Variants in KIAA0825 observed in about 807,000 individuals in gnomAD.
The protein encoded by KIAA0825 is uncharacterized protein KIAA0825.
In KIAA0825, 119 loss-of-function variants were observed where a neutral mutation model predicts 147.6. The ratio of observed to expected loss-of-function variants is 0.81; its 90% CI spans 0.69 to 0.94. The LOEUF (loss-of-function observed/expected upper bound fraction) is 0.94, where lower values mean the gene tolerates loss of function less well. Ranked by LOEUF, KIAA0825 falls within the 40% of genes least tolerant of loss-of-function variation. KIAA0825 has a pLI of 0.00. For missense variants in KIAA0825, 1,381 were observed against 1,472.7 expected, an observed-to-expected ratio of 0.94 and a Z score of 1.02; for synonymous variants, 470 against 518.1, an observed-to-expected ratio of 0.91 and a Z score of 1.26.
At chr5:94,439,287 C>A (rs1166297384) in intron 14 of KIAA0825, among the ~76,000 whole-genome samples, 1 of 151,956 alleles carries the variant, frequency 6.6e-6, no homozygotes, top group Non-Finnish European at 1.5e-5. Context: ...GCTTGTGGTA[C>A]GTAATAGGAG....
chr5:94,294,821 T>C (rs555743068), intron 20 of KIAA0825, among the ~76,000 whole-genome samples: 48 of 152,356 alleles, frequency 3.2e-4, no homozygotes, highest in Middle Eastern at 6.8e-3. Context: ...CCTTTGTGGG[T>C]AACCCAACCT....
At chr5:94,309,937 T>G (rs1779010520) in intron 20 of KIAA0825, among the ~76,000 whole-genome samples, 1 of 151,712 alleles carries the variant, frequency 6.6e-6, no homozygotes, top group Non-Finnish European at 1.5e-5. Context: ...CTTGATCTTG[T>G]TATCTCATAT....
chr5:94,583,924 G>A (rs924968336), intron 1 of KIAA0825, among the ~76,000 whole-genome samples: 3 of 152,122 alleles, frequency 2.0e-5, no homozygotes, highest in African/African-American at 2.4e-5. Flanking sequence ...AACTCCAACA[G>A]ACCTGCAGCT....
At chr5:94,502,598 G>A (rs1211595782) in intron 5 of KIAA0825, among the ~76,000 whole-genome samples, 1 of 152,182 alleles carries the variant, frequency 6.6e-6, no homozygotes, top group East Asian at 1.9e-4. Flanking sequence ...AAGGCAATAT[G>A]AGAATGCTGA....
intron 1 of KIAA0825, among the ~76,000 whole-genome samples, chr5:94,611,696 AG>A (rs953064745): frequency 8.1e-5 from 12 of 148,896 alleles, no homozygotes; most frequent in Non-Finnish European, 1.8e-4. Context: ...CTGTAATCCC[AG>A]CACTTTGGGA....
At chr5:94,534,181 A>G (rs993521676) in intron 3 of KIAA0825, among the ~76,000 whole-genome samples, 4 of 152,204 alleles carry the variant, frequency 2.6e-5, no homozygotes, top group Non-Finnish European at 5.9e-5. Flanking sequence ...GATAAATAGA[A>G]CTGTTAGAAT....
chr5:94,291,869 A>G (rs951812551), intron 20 of KIAA0825, among the ~76,000 whole-genome samples: 1 of 151,976 alleles, frequency 6.6e-6, no homozygotes, highest in East Asian at 1.9e-4. Flanking sequence ...TTCTTTTTGT[A>G]GCAGTTGTGA....
At chr5:94,441,786 C>A (rs1329214092) in intron 13 of KIAA0825, among the ~76,000 whole-genome samples, 2 of 152,186 alleles carry the variant, frequency 1.3e-5, no homozygotes, top group African/African-American at 4.8e-5. Context: ...TTTGTTATAG[C>A]AGCCAGAGCT....
chr5:94,408,882 T>C (rs1262291242), intron 15 of KIAA0825, among the ~76,000 whole-genome samples: 1 of 152,220 alleles, frequency 6.6e-6, no homozygotes, highest in Non-Finnish European at 1.5e-5. Flanking sequence ...TAAAGCACAA[T>C]TGTGCAAAAT....
intron 14 of KIAA0825, among the ~76,000 whole-genome samples, chr5:94,432,498 T>G (rs1339703747): frequency 6.6e-6 from 1 of 152,130 alleles, no homozygotes; most frequent in African/African-American, 2.4e-5. Context: ...CACTGATACC[T>G]CTAAACTAGT....
intron 1 of KIAA0825, among the ~76,000 whole-genome samples, chr5:94,595,156 G>A (rs1276480035): frequency 6.6e-6 from 1 of 152,116 alleles, no homozygotes; most frequent in Non-Finnish European, 1.5e-5. Context: ...CCCCCAGTGG[G>A]GACTCTGTGT....
intron 14 of KIAA0825, among the ~76,000 whole-genome samples, chr5:94,438,374 GT>G (rs1368878483): frequency 1.3e-5 from 2 of 152,192 alleles, no homozygotes; most frequent in African/African-American, 4.8e-5. Flanking sequence ...AACAATAAAT[GT>G]TGTTTATGTG....
chr5:94,252,172 C>A lies in KIAA0825; in HGVS notation c.3711-98048G>T, dbSNP rs184303658. Among the ~76,000 whole-genome samples the A allele has an allele frequency of 1.1e-3, 164 of 152,016 alleles. 3 individuals carry two copies. The highest frequency in any genetic ancestry group is 0.01 in the Admixed American group (153 of 15,236). On this transcript the variant is annotated intron_variant, in intron 20 of 20. Transcript: ENST00000682413. ...ACACACTTTCACTACACTCTTAGCA[C>A]AATTAATATTGTATAAAATTATCTG...
intron 3 of KIAA0825, among the ~76,000 whole-genome samples, chr5:94,533,164 GA>G (rs1338952851): frequency 3.3e-5 from 5 of 150,776 alleles, no homozygotes; most frequent in African/African-American, 1.2e-4. Flanking sequence ...ATTTTTAGTA[GA>G]GGCAGGGTTT....
chr5:94,211,283 C>G (rs1452153789), intron 20 of KIAA0825, among the ~76,000 whole-genome samples: 1 of 152,130 alleles, frequency 6.6e-6, no homozygotes, highest in Non-Finnish European at 1.5e-5. Flanking sequence ...ACTAAACTGC[C>G]CCTTCTTGGT....
At chr5:94,343,491 C>T (rs1782653233) in intron 20 of KIAA0825, among the ~76,000 whole-genome samples, 1 of 152,126 alleles carries the variant, frequency 6.6e-6, no homozygotes, top group East Asian at 1.9e-4. Context: ...GAGGTAGAGA[C>T]CATCTGGCTA....
intron 14 of KIAA0825, among the ~76,000 whole-genome samples, chr5:94,427,722 A>T (rs1013048948): frequency 1.3e-5 from 2 of 152,026 alleles, no homozygotes; most frequent in Non-Finnish European, 2.9e-5. Flanking sequence ...TTCTGCCTTG[A>T]TGATATGTCT....
At chr5:94,474,966 G>A (rs562905344) in intron 7 of KIAA0825, among the ~76,000 whole-genome samples, 124 of 152,186 alleles carry the variant, frequency 8.1e-4, no homozygotes, top group African/African-American at 2.8e-3. Flanking sequence ...GCACGTGCCT[G>A]TAGTCCCAGC....
At chr5:94,268,839 A>G (rs1015214039) in intron 20 of KIAA0825, among the ~76,000 whole-genome samples, 3 of 152,096 alleles carry the variant, frequency 2.0e-5, no homozygotes, top group African/African-American at 7.2e-5. Context: ...TCAACCTGGC[A>G]TTCTGGTTGT....
Sources: allele counts gnomAD v4.1 joint callset (sites outside exome capture counted in the v4.1 genomes callset), GRCh38; gene constraint gnomAD v4.1.1; transcripts MANE v1.5; gene names NCBI Gene and HGNC (gene_info 2026-07-23, HGNC 2026-07-21).